Variants in NRXN1 observed in about 807,000 individuals in gnomAD.
NRXN1 encodes the protein neurexin 1, also known as neurexin-1.
A neutral mutation model predicts 150.9 loss-of-function variants in NRXN1; 39 were observed. That is an observed-to-expected ratio of 0.26 (90% CI 0.20 to 0.34). The LOEUF is 0.34. Among genes scored for constraint, NRXN1 ranks in the 10% least tolerant of loss-of-function variants. NRXN1 has a pLI of 1.00. For synonymous variants in NRXN1, 924 were observed against 757.0 expected, an observed-to-expected ratio of 1.22 and a Z score of -3.62; for missense variants, 1,815 against 1,949.9, an observed-to-expected ratio of 0.93 and a Z score of 1.30.
intron 2 of NRXN1, among the ~76,000 whole-genome samples, chr2:51,005,152 T>A (rs960930141): frequency 6.6e-6 from 1 of 151,994 alleles, no homozygotes; most frequent in Non-Finnish European, 1.5e-5. Flanking sequence ...CTCTGGATAT[T>A]CCTCTGGTAA....
chr2:50,612,845 T>C (rs1678416804), intron 8 of NRXN1, among the ~76,000 whole-genome samples: 1 of 152,196 alleles, frequency 6.6e-6, no homozygotes, highest in African/African-American at 2.4e-5. Context: ...ATTATTAACC[T>C]GCGTGCGTTA....
chr2:49,937,177 TC>T (rs1329397151), intron 22 of NRXN1, among the ~76,000 whole-genome samples: 1 of 152,136 alleles, frequency 6.6e-6, no homozygotes, highest in Non-Finnish European at 1.5e-5. Context: ...TGTAAAACTA[TC>T]CCCCTGTCAT....
intron 12 of NRXN1, among the ~76,000 whole-genome samples, chr2:50,522,720 ATT>A (rs869200431): frequency 2.7e-4 from 13 of 47,756 alleles, no homozygotes; most frequent in Admixed American, 6.8e-4. Context: ...ATTTTTATTC[ATT>A]TTTTTTTTTT....
At chr2:50,742,206 A>T (rs1432548728) in intron 5 of NRXN1, among the ~76,000 whole-genome samples, 1 of 152,070 alleles carries the variant, frequency 6.6e-6, no homozygotes, top group Non-Finnish European at 1.5e-5. Context: ...TTTCAAAGAG[A>T]AAGAAATTTA....
chr2:50,216,710 T>C (rs1030831179), intron 18 of NRXN1, among the ~76,000 whole-genome samples: 7 of 151,964 alleles, frequency 4.6e-5, no homozygotes, highest in Non-Finnish European at 8.8e-5. Flanking sequence ...ATGACTACAC[T>C]AATTTTCTGC....
At chr2:50,625,674 G>A (rs1027272855) in intron 5 of NRXN1, among the ~76,000 whole-genome samples, 17 of 152,046 alleles carry the variant, frequency 1.1e-4, no homozygotes, top group African/African-American at 3.6e-4. Flanking sequence ...GAAAATGTGG[G>A]TCAAAATATG....
chr2:50,806,568 T>A (rs575549319), intron 5 of NRXN1, among the ~76,000 whole-genome samples: 14 of 152,284 alleles, frequency 9.2e-5, no homozygotes, highest in Admixed American at 4.6e-4. Flanking sequence ...ATTACAGTTC[T>A]AAGACTTAGT....
intron 5 of NRXN1, among the ~76,000 whole-genome samples, chr2:50,903,093 C>T (rs1434227300): frequency 1.3e-5 from 2 of 151,872 alleles, no homozygotes; most frequent in Admixed American, 6.6e-5. Flanking sequence ...CCAACCAGCA[C>T]CAATATATTA....
Position 50,224,382 on chromosome 2 carries a change from T to G in NRXN1, c.3546+12407A>C, listed in dbSNP as rs545865159. 4.6e-3 allele frequency among the ~76,000 whole-genome samples: 697 copies of G among 152,060 alleles called. 11 individuals are homozygous for G. The highest frequency in any genetic ancestry group is 7.3e-3 in the Non-Finnish European group (494 of 67,942). ...ACCTCAATGAATTATTGTGAATATT[T>G]AATAAAATCTAATTTTATGCAAAAT... On this transcript the variant is annotated intron_variant, in intron 18 of 22. Coordinates refer to ENST00000401669, the MANE Select transcript of NRXN1 (RefSeq NM_001330078.2).
chr2:50,252,854 A>G (rs1227742630), intron 17 of NRXN1, among the ~76,000 whole-genome samples: 1 of 152,150 alleles, frequency 6.6e-6, no homozygotes, highest in Non-Finnish European at 1.5e-5. Flanking sequence ...TGATGCCTCC[A>G]GGTTTATTCT....
At chr2:50,401,189 T>G (rs79893854) in intron 17 of NRXN1, among the ~76,000 whole-genome samples, 5,916 of 152,302 alleles carry the variant, frequency 0.039, 184 homozygotes, top group Non-Finnish European at 0.058. Context: ...TCATTCACAC[T>G]CAATGTGGGA....
At chr2:50,463,850 AAAT>A (rs1384408447) in intron 17 of NRXN1, 1 of 151,732 alleles carries the variant, frequency 6.6e-6, no homozygotes, top group Non-Finnish European at 1.5e-5. Context: ...CACACCAAAA[AAAT>A]CCCTCTCAAC....
At chr2:50,856,406 C>A (rs142770894) in intron 5 of NRXN1, among the ~76,000 whole-genome samples, 2,221 of 152,110 alleles carry the variant, frequency 0.015, 27 homozygotes, top group Middle Eastern at 0.027. Flanking sequence ...TATGTGCAGG[C>A]ACTTTCAAAA....
At chr2:50,584,519 C>T (rs1481683870) in intron 8 of NRXN1, among the ~76,000 whole-genome samples, 2 of 152,270 alleles carry the variant, frequency 1.3e-5, no homozygotes, top group African/African-American at 2.4e-5. Context: ...AAATTATTTA[C>T]ACTCCCTTTC....
In NRXN1 at chr2:50,346,699, C is replaced by A. The variant is rs868822258; in HGVS notation, c.3365-109729G>T. 6.2e-7 allele frequency: 1 copy of A among 1,613,438 alleles called. No individual in the cohort carries two copies. The highest frequency in any genetic ancestry group is 8.5e-7 in the Non-Finnish European group (1 of 1,179,630). ...TGGCATCGCAGACCCACCGTGTCCGCCTCGCAAGGATGCCGGTGACCTGTA... is the reference window on the plus strand; with the variant it reads ...TGGCATCGCAGACCCACCGTGTCCGACTCGCAAGGATGCCGGTGACCTGTA... On this transcript the variant is annotated intron_variant, in intron 17 of 22. Coordinates refer to ENST00000401669, the MANE Select transcript of NRXN1 (RefSeq NM_001330078.2). The surrounding 1 kb of genome is among the most constrained non-coding windows in gnomAD (Gnocchi z 5.0).
At chr2:50,469,266 G>A (rs935656110) in intron 16 of NRXN1, among the ~76,000 whole-genome samples, 5 of 151,500 alleles carry the variant, frequency 3.3e-5, no homozygotes, top group Admixed American at 1.3e-4. Flanking sequence ...AGTAGACTTC[G>A]ACGGGTTAAA....
intron 5 of NRXN1, among the ~76,000 whole-genome samples, chr2:50,906,585 G>A (rs1163860059): frequency 6.6e-6 from 1 of 151,938 alleles, no homozygotes; most frequent in Non-Finnish European, 1.5e-5. Flanking sequence ...CTGTTCTCTT[G>A]CCAGAATAAT....
intron 5 of NRXN1, among the ~76,000 whole-genome samples, chr2:50,796,978 G>C (rs1706925626): frequency 2.0e-5 from 3 of 152,112 alleles, no homozygotes; most frequent in South Asian, 4.1e-4. Flanking sequence ...TCCCAGAAGG[G>C]AGGACACTGT....
At chr2:50,685,020 T>G (rs780243833) in intron 5 of NRXN1, among the ~76,000 whole-genome samples, 18 of 152,202 alleles carry the variant, frequency 1.2e-4, no homozygotes, top group Non-Finnish European at 1.9e-4. Context: ...GAATATTCAG[T>G]TGTTTTTCAT....
Sources: allele counts gnomAD v4.1 joint callset (sites outside exome capture counted in the v4.1 genomes callset), GRCh38; gene constraint gnomAD v4.1.1; non-coding constraint Gnocchi (gnomAD v3.1); transcripts MANE v1.5; gene names NCBI Gene and HGNC (gene_info 2026-07-23, HGNC 2026-07-21).